Variants in SH3D19 observed in about 807,000 individuals in gnomAD.
SH3D19 encodes SH3 domain containing 19, also known as SH3 domain-containing protein 19.
SH3D19 carries 58 observed loss-of-function variants against 112.1 expected under a neutral mutation model. That is an observed-to-expected ratio of 0.52 (90% CI 0.42 to 0.64). The LOEUF (loss-of-function observed/expected upper bound fraction) is 0.64. SH3D19 is among the 30% of genes least tolerant of loss of function. The pLI is 0.00. For missense variants in SH3D19, 1,090 were observed against 1,263.4 expected (o/e 0.86, Z 2.08); for synonymous variants, 391 against 448.5 (o/e 0.87, Z 1.62).
intron 1 of SH3D19, chr4:151,283,005 A>AT (rs1274080815): frequency 1.1e-6 from 1 of 873,906 alleles, no homozygotes. Flanking sequence ...TTGGAAAGGC[A>AT]TTGTAAGCTG....
At chr4:151,172,808 C>T (rs1759307147) in intron 7 of SH3D19, among the ~76,000 whole-genome samples, 1 of 152,022 alleles carries the variant, frequency 6.6e-6, no homozygotes, top group Non-Finnish European at 1.5e-5. Flanking sequence ...CTGGGTTTCT[C>T]CAGGAAAGGC....
At chr4:151,135,327 G>T (rs1182875384) in intron 14 of SH3D19, among the ~76,000 whole-genome samples, 195 bp from the exon 15 acceptor site, 1 of 150,654 alleles carries the variant, frequency 6.6e-6, no homozygotes, top group African/African-American at 2.4e-5. Flanking sequence ...TGTAACTTGT[G>T]AAGTAGCCTT....
At chr4:151,288,134 G>C (rs1169765961) in intron 1 of SH3D19, among the ~76,000 whole-genome samples, 1 of 151,236 alleles carries the variant, frequency 6.6e-6, no homozygotes, top group Non-Finnish European at 1.5e-5. Flanking sequence ...TTTTCAACTC[G>C]ATCAAGTGCA....
At chr4:151,140,022 G>C in intron 12 of SH3D19, 175 bp from the exon 13 acceptor site, 1 of 560,010 alleles carries the variant, frequency 1.8e-6, no homozygotes, top group Non-Finnish European at 3.2e-6. Flanking sequence ...TCAAGTTGAA[G>C]AAGAATGTGT....
intron 1 of SH3D19, among the ~76,000 whole-genome samples, chr4:151,271,247 G>A (rs2149997566): frequency 6.6e-6 from 1 of 152,310 alleles, no homozygotes; most frequent in Middle Eastern, 3.4e-3. Context: ...TTAGGAGACT[G>A]TTTTATAAGG....
At chr4:151,139,668 G>T in intron 13 of SH3D19, 107 bp downstream of exon 13, 1 of 945,300 alleles carries the variant, frequency 1.1e-6, no homozygotes, top group Non-Finnish European at 1.6e-6. Context: ...GGACTCTATA[G>T]GCACAGAAAA....
intron 8 of SH3D19, among the ~76,000 whole-genome samples, chr4:151,163,901 C>A (rs1561261958): frequency 6.6e-6 from 1 of 152,106 alleles, no homozygotes; most frequent in Non-Finnish European, 1.5e-5. Flanking sequence ...GTTTTTAAAT[C>A]TAACATTAAA....
chr4:151,214,180 G>C (rs182910437), intron 2 of SH3D19, among the ~76,000 whole-genome samples: 6 of 151,868 alleles, frequency 4.0e-5, no homozygotes, highest in Non-Finnish European at 5.9e-5. Flanking sequence ...GCACAGGGCT[G>C]GGGGGTAAGG....
At chr4:151,225,925 T>G in intron 2 of SH3D19, 122 bp downstream of exon 2, 3 of 585,980 alleles carry the variant, frequency 5.1e-6, no homozygotes, top group Non-Finnish European at 7.5e-6. Context: ...ATGAAGCTTC[T>G]CTGAATGCTA....
chr4:151,148,741 C>T (rs780106677), intron 10 of SH3D19, among the ~76,000 whole-genome samples: 5 of 152,086 alleles, frequency 3.3e-5, no homozygotes, highest in Non-Finnish European at 5.9e-5. Context: ...TTAATCCCTA[C>T]GATAGAAATA....
intron 1 of SH3D19, among the ~76,000 whole-genome samples, chr4:151,239,404 G>A (rs983455811): frequency 1.3e-5 from 2 of 151,772 alleles, no homozygotes; most frequent in Non-Finnish European, 2.9e-5. Context: ...AAGCCTCTGT[G>A]TTGTTTTTGT....
chr4:151,144,734 C>T (rs1400048366), intron 11 of SH3D19, among the ~76,000 whole-genome samples: 1 of 152,182 alleles, frequency 6.6e-6, no homozygotes, highest in African/African-American at 2.4e-5. Flanking sequence ...AGCTCTTCTC[C>T]TAGAGTCTCT....
chr4:151,325,249 G>T lies in SH3D19; in HGVS notation c.104C>A (p.Ser35Ter). The part of the protein sequence containing the change: ...RARGRALSGH[S>*]AADRNERNKP... Reference sequence around the variant, plus strand: ...TCCCCCGCGCCTCTCACCTGCGGCCGAGTGGCCCGAGAGCGCACGGCCCCG... The same window carrying T: ...TCCCCCGCGCCTCTCACCTGCGGCCTAGTGGCCCGAGAGCGCACGGCCCCG... The change falls in exon 1 of 20, where the codon TCG (serine) becomes TAG (stop). Residue 35 changes from serine (S) to a stop codon, truncating the protein, a stop_gained. Transcript: ENST00000604030. LOFTEE classifies it high-confidence loss of function. 1 of 1,221,118 alleles carries T rather than the reference G, an allele frequency of 8.2e-7. No homozygotes were observed. The allele number at this position is 1,221,118 out of a possible 1,614,324, so 75.6% of individuals were successfully genotyped here. A position where few individuals can be genotyped will look rare whatever the true frequency, so the allele number is the denominator to read the frequency against.
At position 151,131,146 on chromosome 4, in the gene SH3D19, TAGCTTTAG is replaced by T. The variant is rs551346644; in HGVS notation, c.2742+1177_2742+1184del. 1.6e-3 allele frequency among the ~76,000 whole-genome samples: 247 copies of T among 152,260 alleles called. 2 individuals carry two copies. The highest frequency in any genetic ancestry group is 3.0e-3 in the Non-Finnish European group (204 of 68,014). On this transcript the variant is annotated intron_variant, in intron 17 of 19. Transcript: ENST00000604030. The stretch of plus-strand genomic sequence containing the variant: ...TTTATTTGATAAATCTAGTTTTTCA[TAGCTTTAG>T]AATATTCTCCCAATAATGGTCATAT...
chr4:151,300,489 A>T (rs898992983), intron 1 of SH3D19: 1 of 152,188 alleles, frequency 6.6e-6, no homozygotes, highest in Non-Finnish European at 1.5e-5. Flanking sequence ...CTAAAAAAAA[A>T]TAAAGGGAAT....
At chr4:151,291,951 C>T (rs1045521027) in intron 1 of SH3D19, among the ~76,000 whole-genome samples, 37 of 152,046 alleles carry the variant, frequency 2.4e-4, no homozygotes, top group African/African-American at 8.7e-4. Flanking sequence ...ATTCCAAGCA[C>T]ACTGCCTACA....
At chr4:151,277,451 T>C (rs535690367) in intron 1 of SH3D19, among the ~76,000 whole-genome samples, 1 of 152,034 alleles carries the variant, frequency 6.6e-6, no homozygotes, top group East Asian at 1.9e-4. Context: ...GGACTTATAA[T>C]CAATGCACAT....
chr4:151,180,458 G>C (rs1760699391), intron 3 of SH3D19, among the ~76,000 whole-genome samples: 1 of 141,246 alleles, frequency 7.1e-6, no homozygotes, highest in African/African-American at 2.6e-5. Context: ...CCAGGCTGGA[G>C]TGCAGTGGCG....
At chr4:151,183,956 C>T (rs747187717) in intron 3 of SH3D19, among the ~76,000 whole-genome samples, 2 of 152,178 alleles carry the variant, frequency 1.3e-5, no homozygotes, top group Non-Finnish European at 2.9e-5. Context: ...CAACACCTAC[C>T]ACGCACAGTG....
Sources: gnomAD v4.1 joint callset for allele counts (sites outside exome capture counted in the v4.1 genomes callset) on GRCh38, gnomAD v4.1.1 for gene constraint, MANE v1.5 for transcripts, NCBI Gene and HGNC (gene_info 2026-07-23, HGNC 2026-07-21) for gene names.